EYS: variants seen among roughly 807,000 people sequenced by gnomAD.
EYS encodes EGF-like photoreceptor maintenance factor, also known as protein eyes shut homolog.
EYS carries 250 observed loss-of-function variants against 282.1 expected under a neutral mutation model. The ratio of observed to expected loss-of-function variants is 0.89; its 90% CI spans 0.80 to 0.98. The LOEUF (loss-of-function observed/expected upper bound fraction) is 0.98. Ranked by LOEUF, EYS falls within the 50% of genes least tolerant of loss-of-function variation. The pLI is 0.00. For synonymous variants in EYS, 1,355 were observed against 1,282.9 expected (o/e 1.06, Z -1.20); for missense variants, 4,016 against 3,709.0 (o/e 1.08, Z -2.15).
At chr6:65,456,387 T>C (rs1333589635) in intron 5 of EYS, among the ~76,000 whole-genome samples, 1 of 151,206 alleles carries the variant, frequency 6.6e-6, no homozygotes, top group Non-Finnish European at 1.5e-5. Context: ...GAGGCGGAGG[T>C]TGCAGTGAGT....
chr6:65,648,431 T>C (rs1253398808), intron 1 of EYS, among the ~76,000 whole-genome samples: 1 of 152,076 alleles, frequency 6.6e-6, no homozygotes, highest in Non-Finnish European at 1.5e-5. Context: ...TGGAGACTAT[T>C]ATTCTAAGTG....
chr6:64,694,395 C>T (rs903691494), intron 22 of EYS, among the ~76,000 whole-genome samples: 1 of 152,074 alleles, frequency 6.6e-6, no homozygotes, highest in Admixed American at 6.6e-5. Context: ...AAAAAGAATG[C>T]CTTTGCAATG....
intron 15 of EYS, among the ~76,000 whole-genome samples, chr6:64,942,321 A>G (rs9445440): frequency 1.1e-3 from 164 of 145,454 alleles, no homozygotes; most frequent in African/African-American, 4.1e-3. Flanking sequence ...AACCAGAAAC[A>G]TAAGAGCAAA....
At chr6:64,032,502 C>T (rs1179903369) in intron 33 of EYS, among the ~76,000 whole-genome samples, 1 of 152,182 alleles carries the variant, frequency 6.6e-6, no homozygotes, top group Non-Finnish European at 1.5e-5. Context: ...ACTGAGCGTC[C>T]TACAATTTAA....
chr6:64,137,026 TA>T (rs1422542766), intron 31 of EYS, among the ~76,000 whole-genome samples: 2 of 152,192 alleles, frequency 1.3e-5, no homozygotes, highest in Non-Finnish European at 2.9e-5. Context: ...TTGTTTAGTG[TA>T]ACGACCTTCA....
chr6:64,391,242 A>C (rs1415587580), intron 28 of EYS, among the ~76,000 whole-genome samples: 4 of 151,776 alleles, frequency 2.6e-5, no homozygotes, highest in African/African-American at 4.8e-5. Flanking sequence ...CTAGCAAAGC[A>C]GGCCAACATT....
chr6:65,170,199 A>T (rs1487799587), intron 12 of EYS, among the ~76,000 whole-genome samples: 1 of 151,202 alleles, frequency 6.6e-6, no homozygotes, highest in Non-Finnish European at 1.5e-5. Context: ...CACACATACA[A>T]ATACAGATGC....
chr6:64,858,798 GA>G (rs1766148000), intron 19 of EYS, among the ~76,000 whole-genome samples: 1 of 151,978 alleles, frequency 6.6e-6, no homozygotes, highest in African/African-American at 2.4e-5. Flanking sequence ...ATGATCAAAA[GA>G]AAACTTTCAA....
chr6:63,850,866 A>G (rs1402237949), intron 36 of EYS, among the ~76,000 whole-genome samples: 1 of 152,260 alleles, frequency 6.6e-6, no homozygotes, highest in African/African-American at 2.4e-5. Context: ...CCCAATTAAA[A>G]GACACAGACT....
At chr6:64,545,088 T>C (rs1350592067) in intron 26 of EYS, among the ~76,000 whole-genome samples, 2 of 152,156 alleles carry the variant, frequency 1.3e-5, no homozygotes, top group South Asian at 2.1e-4. Flanking sequence ...TTTAGACCAA[T>C]ATCCCTGATG....
At chr6:65,554,602 C>T (rs1267976059) in intron 2 of EYS, among the ~76,000 whole-genome samples, 1 of 152,150 alleles carries the variant, frequency 6.6e-6, no homozygotes, top group Non-Finnish European at 1.5e-5. Flanking sequence ...CTATACACCA[C>T]TTTTACTTTC....
chr6:65,384,383 T>C lies in EYS; in HGVS notation c.1299+3A>G. The C allele has an allele frequency of 6.5e-7, 1 of 1,544,916 alleles. No individual in the cohort carries two copies. The highest frequency in any genetic ancestry group is 8.9e-7 in the Non-Finnish European group (1 of 1,120,088). ...TTATGTTGCCATGTATTAAATTACT[T>C]ACTTTGAATCTTCCAATTATATTGA... On this transcript the variant is annotated splice_donor_region_variant and intron_variant, in intron 8 of 42. Coordinates refer to ENST00000503581, the MANE Select transcript of EYS (RefSeq NM_001142800.2).
chr6:63,813,588 T>C (rs1277814892), intron 36 of EYS, among the ~76,000 whole-genome samples: 1 of 152,210 alleles, frequency 6.6e-6, no homozygotes, highest in East Asian at 1.9e-4. Flanking sequence ...ATAGATTGTT[T>C]GGTCTAAATA....
intron 11 of EYS, chr6:65,330,766 A>T: frequency 1.0e-6 from 1 of 961,660 alleles, no homozygotes; most frequent in Non-Finnish European, 1.2e-6. Context: ...AATCACAAAG[A>T]TATTTTTCTA....
At chr6:64,601,149 T>C (rs1766748251) in intron 24 of EYS, among the ~76,000 whole-genome samples, 1 of 152,054 alleles carries the variant, frequency 6.6e-6, no homozygotes, top group Admixed American at 6.6e-5. Flanking sequence ...TTGGAATTTA[T>C]CATGGCTTAG....
At chr6:65,445,090 GA>G (rs34222132) in intron 5 of EYS, among the ~76,000 whole-genome samples, 27,955 of 144,960 alleles carry the variant, frequency 0.19, 3,172 homozygotes, top group Middle Eastern at 0.31. Flanking sequence ...GTTAGTACCT[GA>G]AAAAAAAAAA....
At chr6:64,753,098 G>T (rs1208794130) in intron 22 of EYS, among the ~76,000 whole-genome samples, 1 of 152,032 alleles carries the variant, frequency 6.6e-6, no homozygotes, top group Non-Finnish European at 1.5e-5. Flanking sequence ...ATCCTCAAAG[G>T]AGTTCAAACA....
intron 26 of EYS, among the ~76,000 whole-genome samples, chr6:64,585,543 T>A (rs1205589606): frequency 6.6e-6 from 1 of 152,126 alleles, no homozygotes; most frequent in Non-Finnish European, 1.5e-5. Flanking sequence ...ACAATTTATT[T>A]TGGCCTGAAA....
At chr6:64,016,662 G>C (rs1768907726) in intron 33 of EYS, among the ~76,000 whole-genome samples, 1 of 151,868 alleles carries the variant, frequency 6.6e-6, no homozygotes, top group Non-Finnish European at 1.5e-5. Context: ...TTTCTGTAGG[G>C]ACAGGGTCTC....
Sources: allele counts gnomAD v4.1 joint callset (sites outside exome capture counted in the v4.1 genomes callset), GRCh38; gene constraint gnomAD v4.1.1; transcripts MANE v1.5; gene names NCBI Gene and HGNC (gene_info 2026-07-23, HGNC 2026-07-21).